PRIM2: variants seen among roughly 807,000 people sequenced by gnomAD.
PRIM2 encodes DNA primase subunit 2.
In PRIM2, 39 loss-of-function variants were observed where a neutral mutation model predicts 67.3. The observed-to-expected ratio is 0.58, with a 90% CI of 0.45 to 0.76. The LOEUF is 0.76. Ranked by LOEUF, PRIM2 falls within the 30% of genes least tolerant of loss-of-function variation. PRIM2 has a pLI of 0.00. For synonymous variants in PRIM2, 143 were observed against 198.7 expected (o/e 0.72, Z 2.36); for missense variants, 398 against 598.7 (o/e 0.66, Z 3.50).
chr6:57,501,856 A>G (rs1162459276), intron 7 of PRIM2, among the ~76,000 whole-genome samples: 2 of 152,194 alleles, frequency 1.3e-5, no homozygotes, highest in African/African-American at 4.8e-5. Flanking sequence ...GTTACTTTAT[A>G]TAAATTTTTG....
At chr6:57,360,951 G>A (rs531293778) in intron 5 of PRIM2, among the ~76,000 whole-genome samples, 17 of 151,930 alleles carry the variant, frequency 1.1e-4, no homozygotes, top group Middle Eastern at 3.4e-3. Context: ...CTCTTTTTTT[G>A]CAGTTTTGGG....
At chr6:57,230,654 T>G in the PRIM2 span, among the ~76,000 whole-genome samples, 1 of 152,204 alleles carries the variant, frequency 6.6e-6, no homozygotes, top group African/African-American at 2.4e-5. Context: ...GTCTTTAAAT[T>G]AAAGATTTCC....
At chr6:57,237,675 C>A in the PRIM2 span, among the ~76,000 whole-genome samples, 1 of 152,124 alleles carries the variant, frequency 6.6e-6, no homozygotes, top group Non-Finnish European at 1.5e-5. Context: ...AATAGGGAAT[C>A]CTTTCCCCAT....
In PRIM2 at chr6:57,619,355, G is replaced by A. The variant is rs1316765572; in HGVS notation, c.1231-12778G>A. Among the ~76,000 whole-genome samples, 22 of 152,174 alleles carry A rather than the reference G, an allele frequency of 1.4e-4. No homozygotes were observed. In the South Asian group the frequency reaches 4.6e-3, roughly 32 times the overall value. Reference sequence around the variant, plus strand: ...CACCCCTGGTAATATGACCAAACAAGGCTCATCAACACCCCCTAAAAATCA... The same window carrying A: ...CACCCCTGGTAATATGACCAAACAAAGCTCATCAACACCCCCTAAAAATCA... On this transcript the variant is annotated intron_variant, in intron 12 of 13. Coordinates refer to ENST00000615550, the MANE Select transcript of PRIM2 (RefSeq NM_000947.5).
intron 10 of PRIM2, among the ~76,000 whole-genome samples, chr6:57,556,319 G>T (rs1469279719): frequency 6.6e-5 from 10 of 151,940 alleles, no homozygotes; most frequent in African/African-American, 2.4e-4. Context: ...AACCAAAAAG[G>T]CCTTAGTAGC....
At chr6:57,520,763 T>C (rs1428713680) in intron 8 of PRIM2, among the ~76,000 whole-genome samples, 6 of 152,212 alleles carry the variant, frequency 3.9e-5, no homozygotes, top group African/African-American at 1.2e-4. Context: ...CTTTCACTTA[T>C]CTTGGAGTTC....
the PRIM2 span, among the ~76,000 whole-genome samples, chr6:57,250,376 A>G: frequency 1.3e-5 from 2 of 152,208 alleles, no homozygotes; most frequent in African/African-American, 2.4e-5. Context: ...TAAAAGAAAC[A>G]TGACCACTAT....
chr6:57,380,216 C>A (rs1355894781), intron 6 of PRIM2, among the ~76,000 whole-genome samples: 1 of 152,148 alleles, frequency 6.6e-6, no homozygotes, highest in Non-Finnish European at 1.5e-5. Flanking sequence ...CTCTGACCTC[C>A]CATTACAGGC....
Position 57,480,798 on chromosome 6 carries a change from T to C in PRIM2, c.694-26589T>C, listed in dbSNP as rs1773604910. 2.0e-5 allele frequency among the ~76,000 whole-genome samples: 3 copies of C among 152,104 alleles called. No homozygotes were observed. In the South Asian group the frequency reaches 6.2e-4, roughly 32 times the overall value. On this transcript the variant is annotated intron_variant, in intron 7 of 13. Coordinates refer to ENST00000615550, the MANE Select transcript of PRIM2 (RefSeq NM_000947.5). ...CGCATGTCACCACGCCCAGCTAGTTTTTGTATTTTTAGTATAGACAGGGTT... is the reference window on the plus strand; with the variant it reads ...CGCATGTCACCACGCCCAGCTAGTTCTTGTATTTTTAGTATAGACAGGGTT...
the PRIM2 span, among the ~76,000 whole-genome samples, chr6:57,287,061 C>A: frequency 6.6e-6 from 1 of 152,154 alleles, no homozygotes; most frequent in East Asian, 1.9e-4. Flanking sequence ...CAATGAGATG[C>A]CATCTCCTGC....
intron 8 of PRIM2, among the ~76,000 whole-genome samples, chr6:57,514,429 A>G (rs1774438242): frequency 6.6e-6 from 1 of 152,068 alleles, no homozygotes; most frequent in Non-Finnish European, 1.5e-5. Context: ...TTGAGGGCTG[A>G]AATGAAAGCC....
At chr6:57,619,213 A>G (rs1776808283) in intron 12 of PRIM2, among the ~76,000 whole-genome samples, 1 of 152,182 alleles carries the variant, frequency 6.6e-6, no homozygotes, top group Non-Finnish European at 1.5e-5. Context: ...CAACCACAGG[A>G]AAAGGGGAGA....
intron 2 of PRIM2, among the ~76,000 whole-genome samples, chr6:57,319,284 G>C (rs1396249982): frequency 6.6e-6 from 1 of 152,236 alleles, no homozygotes; most frequent in Non-Finnish European, 1.5e-5. Context: ...TTAATCCTCA[G>C]TGTGTTGCTA....
intron 7 of PRIM2, among the ~76,000 whole-genome samples, chr6:57,402,052 AGGCCT>A (rs1770730117): frequency 6.6e-6 from 1 of 152,036 alleles, no homozygotes; most frequent in Admixed American, 6.5e-5. Flanking sequence ...CTGGAGGCCC[AGGCCT>A]GGCGGACCTG....
At chr6:57,335,467 A>G (rs1214496004) in intron 5 of PRIM2, among the ~76,000 whole-genome samples, 2 of 152,190 alleles carry the variant, frequency 1.3e-5, no homozygotes, top group Non-Finnish European at 2.9e-5. Flanking sequence ...TCCCTGTCTG[A>G]CAGCTTTGAA....
At chr6:57,410,043 G>T (rs1303881110) in intron 7 of PRIM2, among the ~76,000 whole-genome samples, 2 of 152,076 alleles carry the variant, frequency 1.3e-5, no homozygotes, top group Non-Finnish European at 2.9e-5. Flanking sequence ...GACTGGGCCG[G>T]GCCAGTGGCT....
At chr6:57,549,251 T>G (rs1302255725) in intron 10 of PRIM2, among the ~76,000 whole-genome samples, 3 of 152,176 alleles carry the variant, frequency 2.0e-5, no homozygotes, top group Admixed American at 6.5e-5. Flanking sequence ...TTCCTATGTT[T>G]TCTGTTTAAT....
the PRIM2 span, among the ~76,000 whole-genome samples, chr6:57,291,127 A>G: frequency 6.6e-6 from 1 of 152,188 alleles, no homozygotes; most frequent in East Asian, 1.9e-4. Flanking sequence ...GAGATAAGAG[A>G]GAAGAATCAA....
chr6:57,262,173 T>C, the PRIM2 span, among the ~76,000 whole-genome samples: 2 of 152,216 alleles, frequency 1.3e-5, no homozygotes, highest in Non-Finnish European at 2.9e-5. Flanking sequence ...TTCAGTCACT[T>C]ACAGAGTTAC....
Sources: gnomAD v4.1 joint callset for allele counts (sites outside exome capture counted in the v4.1 genomes callset) on GRCh38, gnomAD v4.1.1 for gene constraint, MANE v1.5 for transcripts, NCBI Gene and HGNC (gene_info 2026-07-23, HGNC 2026-07-21) for gene names.